KMT5B: variants seen among roughly 807,000 people sequenced by gnomAD.
The protein encoded by KMT5B is histone-lysine N-methyltransferase KMT5B.
Under a neutral mutation model 83.2 loss-of-function variants are expected in KMT5B, and 10 were observed. That is an observed-to-expected ratio of 0.12 (90% confidence interval 0.07 to 0.20). KMT5B has a LOEUF of 0.20. KMT5B is among the 10% of genes least tolerant of loss of function. The pLI, the probability that KMT5B is intolerant of heterozygous loss-of-function variation, is 1.00. For synonymous variants in KMT5B, 349 were observed against 388.8 expected (o/e 0.90, Z 1.20); for missense variants, 753 against 1,067.2 (o/e 0.71, Z 4.10).
intron 4 of KMT5B, among the ~76,000 whole-genome samples, chr11:68,177,313 G>A (rs1181500012): frequency 2.0e-5 from 3 of 152,152 alleles, no homozygotes; most frequent in South Asian, 4.1e-4. Flanking sequence ...ACATGGGAAA[G>A]GTTTAAGAAA....
chr11:68,196,396 G>A (rs1212605351), intron 1 of KMT5B, among the ~76,000 whole-genome samples: 1 of 149,892 alleles, frequency 6.7e-6, no homozygotes. Context: ...TTGTTTAAGT[G>A]TCTGCTTCCT....
intron 9 of KMT5B, among the ~76,000 whole-genome samples, chr11:68,170,321 C>T (rs1161865225): frequency 6.6e-6 from 1 of 152,156 alleles, no homozygotes; most frequent in African/African-American, 2.4e-5. Flanking sequence ...AAGTGCCTGG[C>T]ACAGTGCAAG....
At chr11:68,204,521 C>T (rs1005117237) in intron 1 of KMT5B, among the ~76,000 whole-genome samples, 4 of 152,114 alleles carry the variant, frequency 2.6e-5, no homozygotes, top group Non-Finnish European at 5.9e-5. Flanking sequence ...GAGCAGCTTC[C>T]CTCCACAGCC....
At chr11:68,208,219 C>A (rs1372217518) in intron 1 of KMT5B, among the ~76,000 whole-genome samples, 1 of 150,266 alleles carries the variant, frequency 6.7e-6, no homozygotes, top group African/African-American at 2.4e-5. Flanking sequence ...GAGGCCGAGG[C>A]GGGAGGGTCA....
At chr11:68,200,295 T>C (rs1223578732) in intron 1 of KMT5B, among the ~76,000 whole-genome samples, 1 of 151,986 alleles carries the variant, frequency 6.6e-6, no homozygotes, top group East Asian at 1.9e-4. Context: ...GAGCAACAAG[T>C]GAGAAGCAGA....
At chr11:68,165,186 A>AC (rs1432292333) in intron 10 of KMT5B, among the ~76,000 whole-genome samples, 11 of 152,266 alleles carry the variant, frequency 7.2e-5, no homozygotes, top group African/African-American at 2.6e-4. Context: ...GGCAGCACGA[A>AC]CCTAAGTGTT....
chr11:68,156,533 G>C lies in KMT5B; in HGVS notation c.*1155C>G, dbSNP rs1236197077. 1.3e-5 allele frequency: 2 copies of C among 152,572 alleles called. No homozygotes were observed. Among genetic ancestry groups the C allele is most frequent in the Non-Finnish European group, 2.9e-5 (2 of 68,028 alleles). The allele number at this position is 152,572 out of a possible 1,614,324, so 9.5% of individuals were successfully genotyped here. ...TAAGCCAAGAACTCCCACTGATGCA[G>C]TGCTTAAAACTATATATTTATAATT... On this transcript the variant is annotated 3_prime_UTR_variant, in exon 11 of 11. Transcript: ENST00000304363.
chr11:68,208,666 T>G (rs1291710373), intron 1 of KMT5B, among the ~76,000 whole-genome samples: 1 of 151,972 alleles, frequency 6.6e-6, no homozygotes, highest in Non-Finnish European at 1.5e-5. Context: ...GATGGGATGA[T>G]CAGGGAAATA....
In KMT5B at chr11:68,186,226, AG is replaced by A. The variant is rs1436411661; in HGVS notation, c.161-299del. Among the ~76,000 whole-genome samples, 9 of 152,316 alleles carry A rather than the reference AG, an allele frequency of 5.9e-5. No individual in the cohort carries two copies. The East Asian group carries it at 1.7e-3, about 29-fold the overall frequency. On this transcript the variant is annotated intron_variant, in intron 2 of 10. Coordinates refer to ENST00000304363, the MANE Select transcript of KMT5B (RefSeq NM_017635.5). ...ACTCTCCCCCACCCCCTTCTCTCCA[AG>A]GAACACTGAGAAACGGGACGGGAGC...
At chr11:68,183,305 T>C (rs551799242) in intron 3 of KMT5B, among the ~76,000 whole-genome samples, 25 of 151,662 alleles carry the variant, frequency 1.6e-4, no homozygotes, top group Non-Finnish European at 4.4e-5. Flanking sequence ...ACTGGTCTCA[T>C]GTTCAATGGG....
chr11:68,179,998 A>T, intron 4 of KMT5B, 134 bp downstream of exon 4: 1 of 1,053,610 alleles, frequency 9.5e-7, no homozygotes, highest in Non-Finnish European at 1.3e-6. Flanking sequence ...TTATCAAACT[A>T]CTTTAAAAGG....
At chr11:68,209,866 C>CTT (rs761583436) in intron 1 of KMT5B, among the ~76,000 whole-genome samples, 25 of 149,054 alleles carry the variant, frequency 1.7e-4, no homozygotes, top group African/African-American at 5.7e-4. Flanking sequence ...TTTCTTTCCC[C>CTT]CTTTTTTTTT....
At chr11:68,181,322 C>T (rs908788916) in intron 3 of KMT5B, among the ~76,000 whole-genome samples, 16 of 152,158 alleles carry the variant, frequency 1.1e-4, no homozygotes, top group African/African-American at 3.9e-4. Flanking sequence ...ATCCACCCGC[C>T]TCGGCCTCCC....
At chr11:68,188,015 T>C (rs1857600811) in intron 2 of KMT5B, among the ~76,000 whole-genome samples, 1 of 151,798 alleles carries the variant, frequency 6.6e-6, no homozygotes, top group Non-Finnish European at 1.5e-5. Flanking sequence ...GTAATGGCCA[T>C]TTTCCTTTTT....
rs569209403 is a variant in KMT5B, at chr11:68,171,511, A to G, written c.820+32T>C. ...CTAGCAGTTAGCAGGAATGGCCAAC[A>G]CTAGCGCCAACACCTTGGAAACACA... is the stretch of plus-strand genomic sequence containing the variant. On this transcript the variant is annotated intron_variant, in intron 7 of 10. Transcript: ENST00000304363. This position sits in a 1 kb window ranked among gnomAD's most constrained non-coding sequence, Gnocchi z 5.1. The G allele has an allele frequency of 4.5e-4, 716 of 1,605,648 alleles. 8 individuals are homozygous for G. In the South Asian group the frequency reaches 6.2e-3, roughly 14 times the overall value.
At chr11:68,183,215 C>CAA (rs61512911) in intron 3 of KMT5B, among the ~76,000 whole-genome samples, 12 of 119,094 alleles carry the variant, frequency 1.0e-4, no homozygotes, top group Admixed American at 1.8e-4. Flanking sequence ...TTTCTTAACT[C>CAA]AAAAAAAAAA....
chr11:68,176,754 A>G (rs1046060370), intron 4 of KMT5B: 1 of 152,230 alleles, frequency 6.6e-6, no homozygotes, highest in African/African-American at 2.4e-5. Context: ...ACTGCACTTC[A>G]GCCTGGTGAC....
intron 3 of KMT5B, among the ~76,000 whole-genome samples, chr11:68,183,016 G>T (rs1169321957): frequency 6.6e-6 from 1 of 151,688 alleles, no homozygotes; most frequent in East Asian, 1.9e-4. Flanking sequence ...GATTACAGGC[G>T]TGAGCCACCG....
At chr11:68,163,153 G>C (rs1298847081) in intron 10 of KMT5B, among the ~76,000 whole-genome samples, 1 of 152,176 alleles carries the variant, frequency 6.6e-6, no homozygotes, top group Non-Finnish European at 1.5e-5. Flanking sequence ...CTAGGGGCTG[G>C]GACAAATCTC....
Sources: gnomAD v4.1 joint callset for allele counts (sites outside exome capture counted in the v4.1 genomes callset) on GRCh38, gnomAD v4.1.1 for gene constraint, Gnocchi (gnomAD v3.1) non-coding constraint, MANE v1.5 for transcripts, NCBI Gene and HGNC (gene_info 2026-07-23, HGNC 2026-07-21) for gene names.